FSTL5: variants seen among roughly 807,000 people sequenced by gnomAD.
The protein encoded by FSTL5 is follistatin like 5.
In FSTL5, 62 loss-of-function variants were observed where a neutral mutation model predicts 89.1. The observed-to-expected ratio is 0.70, with a 90% CI of 0.57 to 0.86. The LOEUF (loss-of-function observed/expected upper bound fraction) is 0.86, where lower values mean the gene tolerates loss of function less well. FSTL5 is among the 40% of genes least tolerant of loss of function. FSTL5 has a pLI of 0.00. For missense variants in FSTL5, 1,057 were observed against 1,001.6 expected, an observed-to-expected ratio of 1.06 and a Z score of -0.75; for synonymous variants, 383 against 346.2, an observed-to-expected ratio of 1.11 and a Z score of -1.18.
chr4:161,633,114 A>T (rs1735555808), intron 7 of FSTL5, among the ~76,000 whole-genome samples: 1 of 151,942 alleles, frequency 6.6e-6, no homozygotes. Context: ...GGTATTTCAT[A>T]GGTGCATATC....
At chr4:161,867,432 A>T (rs933398228) in intron 4 of FSTL5, among the ~76,000 whole-genome samples, 1 of 152,004 alleles carries the variant, frequency 6.6e-6, no homozygotes, top group Non-Finnish European at 1.5e-5. Context: ...AGGCAATATA[A>T]AGACAAAGAA....
chr4:162,059,812 G>C (rs760492335), intron 2 of FSTL5, among the ~76,000 whole-genome samples: 1 of 152,142 alleles, frequency 6.6e-6, no homozygotes, highest in Non-Finnish European at 1.5e-5. Flanking sequence ...AAGATGGACT[G>C]CAAAGAAGAT....
At chr4:161,452,245 G>A (rs1406574598) in intron 15 of FSTL5, among the ~76,000 whole-genome samples, 1 of 152,180 alleles carries the variant, frequency 6.6e-6, no homozygotes, top group Non-Finnish European at 1.5e-5. Context: ...GGAGGCCAAG[G>A]TGGGTGGATC....
intron 1 of FSTL5, among the ~76,000 whole-genome samples, chr4:162,163,327 A>T (rs1305944904): frequency 6.6e-6 from 1 of 151,602 alleles, no homozygotes; most frequent in African/African-American, 2.4e-5. Flanking sequence ...TTGCTCTAAA[A>T]TATTTATATT....
At chr4:161,486,877 A>G (rs1404238632) in intron 12 of FSTL5, among the ~76,000 whole-genome samples, 4 of 152,180 alleles carry the variant, frequency 2.6e-5, no homozygotes, top group African/African-American at 9.6e-5. Context: ...TCCATTGTTT[A>G]TCAACAAATG....
At chr4:162,063,938 C>A (rs567741305) in intron 2 of FSTL5, among the ~76,000 whole-genome samples, 1 of 152,046 alleles carries the variant, frequency 6.6e-6, no homozygotes, top group East Asian at 1.9e-4. Flanking sequence ...TTTTCTAAAT[C>A]CATCTTTTAT....
intron 12 of FSTL5, among the ~76,000 whole-genome samples, chr4:161,491,884 C>T (rs1049278384): frequency 2.0e-5 from 3 of 151,520 alleles, no homozygotes; most frequent in Non-Finnish European, 4.4e-5. Context: ...AGGTCCCATT[C>T]CCCATTCCAG....
chr4:161,765,459 T>C (rs6536615), intron 5 of FSTL5, among the ~76,000 whole-genome samples: 31,778 of 152,176 alleles, frequency 0.21, 6,105 homozygotes, highest in African/African-American at 0.51. Context: ...ATACTTATAA[T>C]TGTGAAAGAG....
intron 4 of FSTL5, among the ~76,000 whole-genome samples, chr4:161,851,621 A>T (rs1370859161): frequency 6.6e-6 from 1 of 152,152 alleles, no homozygotes; most frequent in East Asian, 1.9e-4. Flanking sequence ...ATTTTGCCAC[A>T]TCTGAAATAA....
chr4:161,959,215 T>C (rs1735105788), intron 3 of FSTL5, among the ~76,000 whole-genome samples: 2 of 152,128 alleles, frequency 1.3e-5, no homozygotes, highest in African/African-American at 4.8e-5. Context: ...AAAATCATTA[T>C]TACATAAAAG....
At chr4:161,564,366 T>G (rs1368442577) in intron 8 of FSTL5, among the ~76,000 whole-genome samples, 2 of 151,134 alleles carry the variant, frequency 1.3e-5, no homozygotes, top group Non-Finnish European at 3.0e-5. Context: ...TTCCTATATA[T>G]ATATATAAAA....
chr4:162,154,367 C>G (rs74607570), intron 1 of FSTL5, among the ~76,000 whole-genome samples: 1,581 of 152,156 alleles, frequency 0.01, 32 homozygotes, highest in African/African-American at 0.036. Context: ...TGTTGAAGAT[C>G]TTATGAACAT....
At position 161,779,780 on chromosome 4, in the gene FSTL5, TATATATATATATATATA is replaced by T. The variant is rs1560840816; in HGVS notation, c.410-3723_410-3707del. On this transcript the variant is annotated intron_variant, in intron 4 of 15. Coordinates refer to ENST00000306100, the MANE Select transcript of FSTL5 (RefSeq NM_020116.5). Reference sequence around the variant, plus strand: ...AAAGTTATATATATATATATGTATATATATATATATATATATATATATATATATATGTATATATATAT... The same window carrying T: ...AAAGTTATATATATATATATGTATATTATATATATATATGTATATATATAT... Among the ~76,000 whole-genome samples, 16 of 42,786 alleles carry T rather than the reference TATATATATATATATATA, an allele frequency of 3.7e-4. 2 individuals carry two copies. Among genetic ancestry groups the T allele is most frequent in the Admixed American group, 6.0e-4 (2 of 3,306 alleles). 28.1% of individuals were successfully genotyped at this position (42,786 alleles called of 152,430 possible).
intron 13 of FSTL5, among the ~76,000 whole-genome samples, chr4:161,475,764 T>C (rs1340920658): frequency 6.6e-6 from 1 of 151,068 alleles, no homozygotes; most frequent in Non-Finnish European, 1.5e-5. Flanking sequence ...TTTTCCTTTT[T>C]TTTGAGAGGG....
At chr4:161,732,381 T>G (rs949621490) in intron 6 of FSTL5, among the ~76,000 whole-genome samples, 1 of 152,086 alleles carries the variant, frequency 6.6e-6, no homozygotes, top group Non-Finnish European at 1.5e-5. Flanking sequence ...AATTCTTTAT[T>G]CTTTTTTAAA....
intron 6 of FSTL5, among the ~76,000 whole-genome samples, chr4:161,732,402 T>C (rs2126763378): frequency 6.6e-6 from 1 of 152,174 alleles, no homozygotes; most frequent in East Asian, 1.9e-4. Flanking sequence ...TGAAGTATTT[T>C]GTTGGATACA....
chr4:161,638,691 A>T (rs1735827419), intron 7 of FSTL5, among the ~76,000 whole-genome samples: 1 of 134,802 alleles, frequency 7.4e-6, no homozygotes, highest in Non-Finnish European at 1.6e-5. Flanking sequence ...CAGAGACACA[A>T]CCAAAAAAGA....
At chr4:161,857,112 T>C (rs1309598183) in intron 4 of FSTL5, among the ~76,000 whole-genome samples, 1 of 152,170 alleles carries the variant, frequency 6.6e-6, no homozygotes, top group Non-Finnish European at 1.5e-5. Context: ...GGCATTTGAC[T>C]TGCCTTTTGA....
rs949329510 is a variant in FSTL5 at position 161,855,904 on chromosome 4, T to C, written c.409+64500A>G. 5.3e-5 allele frequency among the ~76,000 whole-genome samples: 8 copies of C among 152,034 alleles called. No individual in the cohort carries two copies. The East Asian group carries it at 5.8e-4, about 11-fold the overall frequency. Reference sequence around the variant, plus strand: ...AAATGGTTCAAAGAGGGTGAGGAAATATCACTAAAGAAACATCATCTAAAT... The same window carrying C: ...AAATGGTTCAAAGAGGGTGAGGAAACATCACTAAAGAAACATCATCTAAAT... On this transcript the variant is annotated intron_variant, in intron 4 of 15. Transcript: ENST00000306100.
Sources: gnomAD v4.1 joint callset for allele counts (sites outside exome capture counted in the v4.1 genomes callset) on GRCh38, gnomAD v4.1.1 for gene constraint, MANE v1.5 for transcripts, NCBI Gene and HGNC (gene_info 2026-07-23, HGNC 2026-07-21) for gene names.